The following SLC38A8 variants were observed in gnomAD, a reference collection of about 807,000 sequenced individuals.
SLC38A8 encodes the protein amino acid transporter SLC38A8.
Under a neutral mutation model 46.0 loss-of-function variants are expected in SLC38A8, and 65 were observed. That is an observed-to-expected ratio of 1.41 (90% confidence interval 1.16 to 1.74). The LOEUF (loss-of-function observed/expected upper bound fraction) is 1.74, where lower values mean the gene tolerates loss of function less well. Ranked by LOEUF, SLC38A8 falls within the 40% of genes most tolerant of loss-of-function variation. The pLI is 0.00. For synonymous variants in SLC38A8, 447 were observed against 243.7 expected (o/e 1.83, Z -7.77); for missense variants, 998 against 567.9 (o/e 1.76, Z -7.70).
In SLC38A8 at chr16:84,016,680, C is replaced by A. The variant is rs770253789; in HGVS notation, c.1001G>T (p.Gly334Val). ...FWRRSCLGGWGPSALADPSGL... is the reference protein window; with the variant it reads ...FWRRSCLGGWVPSALADPSGL... ...TGAGGGGTCGGCCAGGGCGCTGGGCCCCCATCCCCCCAAGCAGCTCCTCCT... is the reference window on the plus strand; with the variant it reads ...TGAGGGGTCGGCCAGGGCGCTGGGCACCCATCCCCCCAAGCAGCTCCTCCT... The change falls in exon 9 of 11, where the codon GGG becomes GTG. Residue 334 changes from glycine (G) to valine (V), a missense_variant. Coordinates refer to ENST00000299709, the MANE Select transcript of SLC38A8 (RefSeq NM_001080442.3). 8.1e-6 allele frequency: 13 copies of A among 1,613,342 alleles called. No individual in the cohort carries two copies. The highest frequency in any genetic ancestry group is 1.1e-5 in the Non-Finnish European group (13 of 1,179,994).
chr16:84,036,716 T>A lies in SLC38A8; in HGVS notation c.374A>T (p.Asp125Val), dbSNP rs1037844337. 6.2e-7 allele frequency: 1 copy of A among 1,614,054 alleles called. No homozygotes were observed. The highest frequency in any genetic ancestry group is 8.5e-7 in the Non-Finnish European group (1 of 1,179,982). ...ISVAFLRVIG[D>V]QLEKLCDSLL... ...AAGGTACTTACGCTTCTCCAGCTGGTCCCCGATCACCCTGAGGAAGGCCAC... is the reference window on the plus strand; with the variant it reads ...AAGGTACTTACGCTTCTCCAGCTGGACCCCGATCACCCTGAGGAAGGCCAC... Residue 125 changes from aspartate to valine, a missense_variant, in exon 3 of 11, where the codon GAC becomes GTC. By Grantham distance (152) the Asp-to-Val change is radical. Transcript: ENST00000299709.
intron 6 of SLC38A8, among the ~76,000 whole-genome samples, chr16:84,024,327 G>A (rs1048290005): frequency 3.9e-5 from 6 of 152,158 alleles, no homozygotes; most frequent in African/African-American, 1.4e-4. Flanking sequence ...CTGTATATGT[G>A]ACATGCCATA....
At chr16:84,024,674 G>C (rs930518757) in intron 6 of SLC38A8, among the ~76,000 whole-genome samples, 1 of 152,016 alleles carries the variant, frequency 6.6e-6, no homozygotes, top group Non-Finnish European at 1.5e-5. Context: ...CTAGTTACTT[G>C]GGAGGCTAAG....
intron 10 of SLC38A8, among the ~76,000 whole-genome samples, chr16:84,011,758 T>A (rs908451659): frequency 2.6e-5 from 4 of 152,056 alleles, no homozygotes; most frequent in African/African-American, 9.7e-5. Flanking sequence ...ATGGTGGGCG[T>A]CTGTGGTCCC....
At position 84,009,878 on chromosome 16, in the gene SLC38A8, C is replaced by G. The variant is rs369826950; in HGVS notation, c.1215-1G>C. On this transcript the variant is annotated splice_acceptor_variant, in intron 10 of 10. Coordinates refer to ENST00000299709, the MANE Select transcript of SLC38A8 (RefSeq NM_001080442.3). LOFTEE classifies it high-confidence loss of function. ...CACTCCCCAGACCTCCAGGCAGCAC[C>G]TGCCAAGTGAATAAACCCATGTCAG... The G allele has an allele frequency of 6.2e-6, 10 of 1,612,694 alleles. No homozygotes were observed. In the African/African-American group the frequency reaches 1.2e-4, roughly 19 times the overall value.
chr16:84,038,084 G>A (rs1290418174), intron 2 of SLC38A8, among the ~76,000 whole-genome samples: 4 of 152,104 alleles, frequency 2.6e-5, no homozygotes, highest in Admixed American at 2.6e-4. Context: ...GCCAAGGCGG[G>A]AGGATCACCT....
At position 84,042,016 on chromosome 16, in the gene SLC38A8, C is replaced by T; in HGVS notation, c.142G>A (p.Ala48Thr). The change falls in exon 2 of 11, where the codon GCC becomes ACC. Residue 48 changes from alanine to threonine, a missense_variant. Coordinates refer to ENST00000299709, the MANE Select transcript of SLC38A8 (RefSeq NM_001080442.3). ...LGAGLLNFPW[A>T]FSKAGGVVPA... ...ACCACTCCGCCCGCTTTGGAGAAGG[C>T]CCAGGGGAAGTTGAGCAGGCCAGCT... is the stretch of plus-strand genomic sequence containing the variant. 2 of 1,613,090 alleles carry T rather than the reference C, an allele frequency of 1.2e-6. No homozygotes were observed. The highest frequency in any genetic ancestry group is 1.7e-6 in the Non-Finnish European group (2 of 1,179,548).
At chr16:84,010,503 G>A (rs1284226505) in intron 10 of SLC38A8, among the ~76,000 whole-genome samples, 6 of 152,148 alleles carry the variant, frequency 3.9e-5, no homozygotes, top group Non-Finnish European at 7.4e-5. Context: ...CACTTTGGGA[G>A]GCTGAGGCAG....
Position 84,017,286 on chromosome 16 carries a change from C to A in SLC38A8, c.807G>T (p.Gly269=), listed in dbSNP as rs1348546641. Residue 269 remains glycine, a splice_region_variant and synonymous_variant, in exon 8 of 11, where the codon GGG becomes GGT. Coordinates refer to ENST00000299709, the MANE Select transcript of SLC38A8 (RefSeq NM_001080442.3). ...TCCCAAAAGTCAGGAAGCCATAAAC[C>A]CCTGAAGGTGGGAAAGGATGGAAGC... The part of the protein sequence containing the change: ...LACCLIYSLT[G]VYGFLTFGTE... 2 of 1,613,978 alleles carry A rather than the reference C, an allele frequency of 1.2e-6. No individual in the cohort carries two copies. The highest frequency in any genetic ancestry group is 1.7e-6 in the Non-Finnish European group (2 of 1,179,988).
At chr16:84,032,123 G>A (rs1457637239) in intron 4 of SLC38A8, among the ~76,000 whole-genome samples, 155 bp from the exon 5 acceptor site, 3 of 152,204 alleles carry the variant, frequency 2.0e-5, no homozygotes, top group Admixed American at 1.3e-4. Context: ...CTGTACAGGG[G>A]GCATGTGGGG....
At chr16:84,022,017 C>T (rs1311895585) in intron 7 of SLC38A8, among the ~76,000 whole-genome samples, 2 of 152,202 alleles carry the variant, frequency 1.3e-5, no homozygotes, top group Admixed American at 1.3e-4. Context: ...TAGATTAATC[C>T]ATTCTTGAGG....
In SLC38A8 at chr16:84,009,715, TG is replaced by T; in HGVS notation, c.*68del. 1 of 1,354,398 alleles carries T rather than the reference TG, an allele frequency of 7.4e-7. No homozygotes were observed. The allele number at this position is 1,354,398 out of a possible 1,614,324, so 83.9% of individuals were successfully genotyped here. A position where few individuals can be genotyped will look rare whatever the true frequency, so the allele number is the denominator to read the frequency against. On this transcript the variant is annotated 3_prime_UTR_variant, in exon 11 of 11. Transcript: ENST00000299709. ...AGGAAAAGAAATGGCATCGGTCTCC[TG>T]GCTGCATACAGCAGCCACGTAGGGT...
chr16:84,033,456 G>C lies in SLC38A8; in HGVS notation c.402C>G (p.Leu134=). The C allele has an allele frequency of 6.2e-7, 1 of 1,606,998 alleles. No homozygotes were observed. The highest frequency in any genetic ancestry group is 8.5e-7 in the Non-Finnish European group (1 of 1,176,964). ...GDQLEKLCDS[L]LSGTPPAPQP... is the part of the protein sequence containing the mutation. ...GCGGGGCGGGCGGGGTGCCAGACAGGAGGGAGTCACACACTGCCAGAGACA... is the reference window on the plus strand; with the variant it reads ...GCGGGGCGGGCGGGGTGCCAGACAGCAGGGAGTCACACACTGCCAGAGACA... The change falls in exon 4 of 11, where the codon CTC becomes CTG. Residue 134 remains leucine, a synonymous_variant. Transcript: ENST00000299709.
chr16:84,017,426 C>A lies in SLC38A8; in HGVS notation c.806-139G>T, dbSNP rs972565008. The A allele has an allele frequency of 3.1e-6, 3 of 980,582 alleles. No homozygotes were observed. The African/African-American group carries it at 4.9e-5, about 16-fold the overall frequency. The allele number at this position is 980,582 out of a possible 1,614,324, so 60.7% of individuals were successfully genotyped here. A position where few individuals can be genotyped will look rare whatever the true frequency, so the allele number is the denominator to read the frequency against. On this transcript the variant is annotated intron_variant, in intron 7 of 10. Transcript: ENST00000299709. ...GAAAGAAGGTTCTGGAAGGGATAGC[C>A]CAAAGCTTTCCTGTCCTAAGCCTAC...
In SLC38A8 at chr16:84,042,109, G is replaced by A; in HGVS notation, c.49C>T (p.Pro17Ser). ...GSRGLPEKPH[P>S]ATAAATLSSM... ...GACAGAGTGGCAGCAGCCGTGGCAG[G>A]GTGAGGCTTTTCTGGAAGGCCCCTG... The change falls in exon 2 of 11, where the codon CCT becomes TCT. Residue 17 changes from proline (P) to serine (S), a missense_variant. Transcript: ENST00000299709. The A allele has an allele frequency of 6.2e-7, 1 of 1,613,924 alleles. No individual in the cohort carries two copies. The highest frequency in any genetic ancestry group is 8.5e-7 in the Non-Finnish European group (1 of 1,179,954).
intron 6 of SLC38A8, among the ~76,000 whole-genome samples, chr16:84,028,295 G>A (rs8058109): frequency 0.1 from 15,573 of 152,088 alleles, 981 homozygotes; most frequent in East Asian, 0.19. Context: ...AAAATAAGCA[G>A]CGTGGCCAGG....
intron 3 of SLC38A8, among the ~76,000 whole-genome samples, chr16:84,034,805 G>A (rs139060069): frequency 2.1e-3 from 319 of 152,016 alleles, no homozygotes; most frequent in African/African-American, 7.2e-3. Context: ...TCCAGGTGGC[G>A]TGGGATGGGG....
chr16:84,028,583 A>AC (rs397728309), intron 6 of SLC38A8, among the ~76,000 whole-genome samples: 26 of 149,778 alleles, frequency 1.7e-4, no homozygotes, highest in Admixed American at 8.6e-4. Flanking sequence ...AAAAAAAAAA[A>AC]GAAAGAAATG....
Position 84,033,432 on chromosome 16 carries a change from C to G in SLC38A8, c.426G>C (p.Pro142=). ...AGCGCTGGTCTGCGTACCACGGCTG[C>G]GGGGCGGGCGGGGTGCCAGACAGGA... ...DSLLSGTPPA[P]QPWYADQRFT... Residue 142 remains proline (P), a synonymous_variant, in exon 4 of 11, where the codon CCG becomes CCC. Transcript: ENST00000299709. 6.2e-7 allele frequency: 1 copy of G among 1,610,512 alleles called. No individual in the cohort carries two copies. The highest frequency in any genetic ancestry group is 8.5e-7 in the Non-Finnish European group (1 of 1,178,498).
Sources: allele counts gnomAD v4.1 joint callset (sites outside exome capture counted in the v4.1 genomes callset), GRCh38; gene constraint gnomAD v4.1.1; transcripts MANE v1.5; gene names NCBI Gene and HGNC (gene_info 2026-07-23, HGNC 2026-07-21).